The following DROSHA variants were observed in gnomAD, a reference collection of about 807,000 sequenced individuals.
DROSHA encodes ribonuclease 3.
Under a neutral mutation model 181.9 loss-of-function variants are expected in DROSHA, and 56 were observed. The observed-to-expected ratio is 0.31, with a 90% CI of 0.25 to 0.38. The LOEUF is 0.38. Among genes scored for constraint, DROSHA ranks in the 10% least tolerant of loss-of-function variants. DROSHA has a pLI of 1.00. For synonymous variants in DROSHA, 524 were observed against 591.2 expected, an observed-to-expected ratio of 0.89 and a Z score of 1.65; for missense variants, 1,218 against 1,743.5, an observed-to-expected ratio of 0.70 and a Z score of 5.37.
intron 25 of DROSHA, among the ~76,000 whole-genome samples, chr5:31,434,064 G>A (rs1439905132): frequency 6.6e-6 from 1 of 152,214 alleles, no homozygotes; most frequent in Admixed American, 6.5e-5. Context: ...GCCAATGGGT[G>A]TTGAGTACTA....
Position 31,526,304 on chromosome 5 carries a change from T to C in DROSHA, c.629A>G (p.Tyr210Cys). 6.2e-7 allele frequency: 1 copy of C among 1,613,332 alleles called. No individual in the cohort carries two copies. Among genetic ancestry groups the C allele is most frequent in the Non-Finnish European group, 8.5e-7 (1 of 1,179,748 alleles). ...CTCACTGGGAGCCTTTGGGAGTGGG[T>C]ATGGAGGGAGATGTCTGAAATGAGG... ...SSPHFRHLPPYPLPKAPSERR... is the reference protein window; with the variant it reads ...SSPHFRHLPPCPLPKAPSERR... The change falls in exon 5 of 36, where the codon TAC (tyrosine) becomes TGC (cysteine). Residue 210 changes from tyrosine (Y) to cysteine (C), a missense_variant. Around this residue, in one of 8 missense-constraint regions of DROSHA, gnomAD observed 536 missense variants for 535.4 expected, o/e 1.00. Transcript: ENST00000344624.
intron 20 of DROSHA, among the ~76,000 whole-genome samples, chr5:31,454,188 C>A (rs1329730486): frequency 6.6e-6 from 1 of 152,108 alleles, no homozygotes; most frequent in Non-Finnish European, 1.5e-5. Context: ...GAGAGCTCTG[C>A]CGAATCTAAT....
chr5:31,502,213 G>A (rs1753646121), intron 11 of DROSHA, among the ~76,000 whole-genome samples: 1 of 152,262 alleles, frequency 6.6e-6, no homozygotes, highest in African/African-American at 2.4e-5. Flanking sequence ...GACAGCCCAT[G>A]TGAGAAATGG....
At chr5:31,525,764 CA>C (rs1325109819) in intron 5 of DROSHA, among the ~76,000 whole-genome samples, 1 of 152,022 alleles carries the variant, frequency 6.6e-6, no homozygotes, top group Non-Finnish European at 1.5e-5. Flanking sequence ...TATGATAACA[CA>C]AAAAATACAA....
In DROSHA at chr5:31,450,630, G is replaced by C. The variant is rs76282823; in HGVS notation, c.2682+903C>G. Among the ~76,000 whole-genome samples, 1,176 of 152,158 alleles carry C rather than the reference G, an allele frequency of 7.7e-3. 12 individuals carry two copies. The highest frequency in any genetic ancestry group is 0.027 in the African/African-American group (1,113 of 41,504). On this transcript the variant is annotated intron_variant, in intron 21 of 35. Transcript: ENST00000344624. ...ACTCACAAGTGGAAGCTAAGCTATG[G>C]GTACCCAGGGGCATACAGAGTGGTA...
intron 6 of DROSHA, among the ~76,000 whole-genome samples, chr5:31,517,018 T>C (rs898105904): frequency 5.3e-5 from 8 of 152,190 alleles, no homozygotes; most frequent in Non-Finnish European, 1.0e-4. Flanking sequence ...CACATAAGAG[T>C]TCCCATTTCC....
Position 31,515,121 on chromosome 5 carries a change from G to A in DROSHA, c.1157C>T (p.Ser386Leu). 2 of 1,613,918 alleles carry A rather than the reference G, an allele frequency of 1.2e-6. No individual in the cohort carries two copies. The highest frequency in any genetic ancestry group is 1.7e-6 in the Non-Finnish European group (2 of 1,179,870). The change falls in exon 8 of 36, where the codon TCA becomes TTA. Residue 386 changes from serine to leucine, a missense_variant. Ser to Leu is a moderately radical substitution (Grantham distance 145). Around this residue, in one of 8 missense-constraint regions of DROSHA, gnomAD observed 536 missense variants for 535.4 expected, o/e 1.00. Transcript: ENST00000344624. ...CTCCTCGGGCTCTTTTTCCTTGATTGAGGTATAGTTCTTGTCTTTGCCAGA... is the reference window on the plus strand; with the variant it reads ...CTCCTCGGGCTCTTTTTCCTTGATTAAGGTATAGTTCTTGTCTTTGCCAGA... ...QSSGKDKNYTSIKEKEPEETM... is the reference protein window; with the variant it reads ...QSSGKDKNYTLIKEKEPEETM...
Position 31,410,795 on chromosome 5 carries a change from G to C in DROSHA, c.3618C>G (p.Thr1206=), listed in dbSNP as rs1193299965. The C allele has an allele frequency of 6.2e-7, 1 of 1,613,976 alleles. No homozygotes were observed. The highest frequency in any genetic ancestry group is 1.1e-5 in the South Asian group (1 of 91,084). Residue 1206 remains threonine (T), a synonymous_variant, in exon 31 of 36, where the codon ACC becomes ACG. Transcript: ENST00000344624. The stretch of plus-strand genomic sequence containing the variant: ...TGGTGCGAAGCGCCACAGGCCTCTT[G>C]GTCTTGTCGTTGGTTATGGCGTACT... The part of the protein sequence containing the change: ...MQEYAITNDK[T]KRPVALRTKT...
chr5:31,502,194 C>G (rs892015406), intron 11 of DROSHA, among the ~76,000 whole-genome samples: 3 of 152,236 alleles, frequency 2.0e-5, no homozygotes, highest in Non-Finnish European at 2.9e-5. Flanking sequence ...AACAGCTGCC[C>G]GCACTGAGGA....
intron 6 of DROSHA, 57 bp downstream of exon 6, chr5:31,521,066 A>T: frequency 6.3e-7 from 1 of 1,582,322 alleles, no homozygotes; most frequent in Non-Finnish European, 8.7e-7. Flanking sequence ...ACAAGCACAA[A>T]ATCTGAATTC....
In DROSHA at chr5:31,526,447, C is replaced by A. The variant is rs745702685; in HGVS notation, c.486G>T (p.Gln162His). Reference sequence around the variant, plus strand: ...CCGGAGGGTACTGATAATTAACCTGCTGCGGCATGACTGGAGGGGGCGGGG... The same window carrying A: ...CCGGAGGGTACTGATAATTAACCTGATGCGGCATGACTGGAGGGGGCGGGG... ...PHPPPPPVMP[Q>H]QVNYQYPPGY... The change falls in exon 5 of 36, where the codon CAG becomes CAT. Residue 162 changes from glutamine to histidine, a missense_variant. Transcript: ENST00000344624. 3.1e-6 allele frequency: 5 copies of A among 1,595,772 alleles called. No homozygotes were observed. In the Admixed American group the frequency reaches 6.8e-5, roughly 22 times the overall value.
At chr5:31,467,328 T>C (rs1308477435) in intron 18 of DROSHA, 2 of 151,388 alleles carry the variant, frequency 1.3e-5, no homozygotes. Flanking sequence ...GCTGTTTGTG[T>C]GTTTAGCAAG....
At chr5:31,461,948 T>A (rs140399258) in intron 20 of DROSHA, among the ~76,000 whole-genome samples, 2 of 152,166 alleles carry the variant, frequency 1.3e-5, no homozygotes, top group African/African-American at 4.8e-5. Flanking sequence ...AGATACTTCA[T>A]CTGTTCATCT....
intron 28 of DROSHA, 66 bp from the exon 29 acceptor site, chr5:31,423,010 T>C (rs1485111984): frequency 1.5e-6 from 2 of 1,327,228 alleles, no homozygotes; most frequent in Non-Finnish European, 2.0e-6. Context: ...AATGATCAAT[T>C]CTAGGACAGT....
At chr5:31,525,764 C>T (rs934552128) in intron 5 of DROSHA, among the ~76,000 whole-genome samples, 1 of 152,022 alleles carries the variant, frequency 6.6e-6, no homozygotes, top group Admixed American at 6.5e-5. Flanking sequence ...TATGATAACA[C>T]AAAAAATACA....
In DROSHA at chr5:31,424,476, A is replaced by T. The variant is rs1170813486; in HGVS notation, c.3217-5T>A. The T allele has an allele frequency of 6.3e-7, 1 of 1,589,728 alleles. No individual in the cohort carries two copies. Among genetic ancestry groups the T allele is most frequent in the Non-Finnish European group, 8.6e-7 (1 of 1,167,818 alleles). ...GAGCCAGACTTCGCGCAGGTCCTGGAAAATGGAGTGATGCCTTTAATGCTC... is the reference window on the plus strand; with the variant it reads ...GAGCCAGACTTCGCGCAGGTCCTGGTAAATGGAGTGATGCCTTTAATGCTC... On this transcript the variant is annotated splice_polypyrimidine_tract_variant and splice_region_variant and intron_variant, in intron 27 of 35. Transcript: ENST00000344624.
chr5:31,433,645 C>T (rs10472192), intron 25 of DROSHA, among the ~76,000 whole-genome samples: 4,216 of 152,150 alleles, frequency 0.028, 149 homozygotes, highest in African/African-American at 0.082. Flanking sequence ...CCAGGGTTCA[C>T]GCCATTCTCC....
intron 16 of DROSHA, among the ~76,000 whole-genome samples, chr5:31,474,355 TA>T: frequency 6.6e-6 from 1 of 152,132 alleles, no homozygotes; most frequent in Non-Finnish European, 1.5e-5. Context: ...TTTCATATAT[TA>T]AAGTCCTTTT....
intron 11 of DROSHA, among the ~76,000 whole-genome samples, chr5:31,503,785 C>T (rs1177631772): frequency 2.0e-5 from 3 of 152,198 alleles, no homozygotes; most frequent in Admixed American, 6.5e-5. Context: ...CACAATTCCT[C>T]GCTACACTTG....
Sources: gnomAD v4.1 joint callset for allele counts (sites outside exome capture counted in the v4.1 genomes callset) on GRCh38, gnomAD v4.1.1 for gene constraint, gnomAD v4.1.1 regional missense constraint, MANE v1.5 for transcripts, NCBI Gene and HGNC (gene_info 2026-07-23, HGNC 2026-07-21) for gene names.